The following CADPS variants were observed in gnomAD, a reference collection of about 807,000 sequenced individuals.
CADPS encodes calcium dependent secretion activator, also known as calcium-dependent secretion activator 1.
A neutral mutation model predicts 167.3 loss-of-function variants in CADPS; 57 were observed. That is an observed-to-expected ratio of 0.34 (90% CI 0.28 to 0.42). CADPS has a LOEUF of 0.42. Among genes scored for constraint, CADPS ranks in the 20% least tolerant of loss-of-function variants. The probability of loss-of-function intolerance (pLI) is 1.00; values close to 1 mark genes in which losing one functional copy is unlikely to be tolerated. For missense variants in CADPS, 1,414 were observed against 1,738.1 expected (o/e 0.81, Z 3.32); for synonymous variants, 676 against 635.3 (o/e 1.06, Z -0.96).
intron 3 of CADPS, among the ~76,000 whole-genome samples, chr3:62,678,603 A>G (rs2076670645): frequency 6.6e-6 from 1 of 152,118 alleles, no homozygotes; most frequent in Admixed American, 6.6e-5. Context: ...CTCTTCCCTG[A>G]TAAGTGAGGG....
At chr3:62,624,907 G>C (rs1381407535) in intron 6 of CADPS, among the ~76,000 whole-genome samples, 1 of 152,040 alleles carries the variant, frequency 6.6e-6, no homozygotes, top group Non-Finnish European at 1.5e-5. Flanking sequence ...CTTGATCCAG[G>C]TATGAGCACC....
intron 28 of CADPS, among the ~76,000 whole-genome samples, chr3:62,408,124 C>T (rs956336487): frequency 6.6e-6 from 1 of 152,146 alleles, no homozygotes; most frequent in Non-Finnish European, 1.5e-5. Flanking sequence ...TGCAGATACA[C>T]TTGGGTCACC....
chr3:62,403,044 G>A (rs1001645757), intron 29 of CADPS, 37 bp downstream of exon 29: 6 of 1,295,856 alleles, frequency 4.6e-6, no homozygotes, highest in Non-Finnish European at 6.7e-6. Context: ...ATTTCAGTAA[G>A]CTATTTGCAA....
intron 4 of CADPS, among the ~76,000 whole-genome samples, chr3:62,661,426 T>A (rs1286822008): frequency 1.3e-5 from 2 of 152,158 alleles, no homozygotes; most frequent in Non-Finnish European, 2.9e-5. Context: ...CCAGTGGGTA[T>A]AAAGACACCA....
intron 18 of CADPS, among the ~76,000 whole-genome samples, chr3:62,498,491 T>G (rs921019273): frequency 6.6e-6 from 1 of 152,092 alleles, no homozygotes; most frequent in Non-Finnish European, 1.5e-5. Context: ...ATTTTGGAAT[T>G]TTTTTGGAAG....
At chr3:62,819,905 T>G (rs1414888649) in intron 1 of CADPS, among the ~76,000 whole-genome samples, 1 of 152,176 alleles carries the variant, frequency 6.6e-6, no homozygotes. Context: ...TTTGCTGATT[T>G]TAATCTGTAT....
At chr3:62,691,966 GATA>G (rs1446079033) in intron 3 of CADPS, among the ~76,000 whole-genome samples, 3 of 151,226 alleles carry the variant, frequency 2.0e-5, no homozygotes, top group Admixed American at 1.3e-4. Context: ...AGGATTTTTT[GATA>G]ATAATATGGT....
intron 1 of CADPS, among the ~76,000 whole-genome samples, chr3:62,821,143 T>C (rs893187150): frequency 6.6e-6 from 1 of 152,082 alleles, no homozygotes; most frequent in African/African-American, 2.4e-5. Context: ...CACCCTCAGA[T>C]TAGGTAGATT....
chr3:62,484,069 T>C (rs1405302821), intron 21 of CADPS, among the ~76,000 whole-genome samples: 2 of 152,186 alleles, frequency 1.3e-5, no homozygotes, highest in Non-Finnish European at 1.5e-5. Context: ...AAAATACTTC[T>C]ATTAATCAAA....
chr3:62,530,443 T>C (rs1394464992), intron 13 of CADPS, among the ~76,000 whole-genome samples: 1 of 152,190 alleles, frequency 6.6e-6, no homozygotes, highest in Non-Finnish European at 1.5e-5. Context: ...GTTTTAAAAG[T>C]CACTGAACAC....
chr3:62,846,582 A>T lies in CADPS; in HGVS notation c.441+28007T>A, dbSNP rs547634582. Among the ~76,000 whole-genome samples, 2 of 152,140 alleles carry T rather than the reference A, an allele frequency of 1.3e-5. 1 individual carries two copies. The highest frequency in any genetic ancestry group is 4.1e-4 in the South Asian group (2 of 4,832). ...CTTGATTCTTTCCCGTGATTAATCA[A>T]TTTGCAAAATATGTTGGTTTTCTGT... On this transcript the variant is annotated intron_variant, in intron 1 of 29. Transcript: ENST00000383710.
chr3:62,725,404 T>C (rs981869295), intron 3 of CADPS, among the ~76,000 whole-genome samples: 3 of 152,186 alleles, frequency 2.0e-5, no homozygotes, highest in Admixed American at 2.0e-4. Flanking sequence ...ATCCTAACAA[T>C]AGTCTTCAGC....
intron 1 of CADPS, among the ~76,000 whole-genome samples, chr3:62,823,573 G>A (rs1383676934): frequency 1.3e-5 from 2 of 152,158 alleles, no homozygotes; most frequent in African/African-American, 4.8e-5. Context: ...CAAAGAGGGG[G>A]AAAGATCAAT....
At chr3:62,410,124 T>C (rs1366488826) in intron 28 of CADPS, among the ~76,000 whole-genome samples, 1 of 152,100 alleles carries the variant, frequency 6.6e-6, no homozygotes, top group Non-Finnish European at 1.5e-5. Context: ...TCACCCAATA[T>C]CATAAAAATG....
At chr3:62,846,077 C>G (rs905746570) in intron 1 of CADPS, among the ~76,000 whole-genome samples, 11 of 151,980 alleles carry the variant, frequency 7.2e-5, no homozygotes, top group African/African-American at 2.4e-4. Flanking sequence ...CTCTCTCTCT[C>G]TCTCTCCTGC....
chr3:62,707,728 T>C (rs902417648), intron 3 of CADPS, among the ~76,000 whole-genome samples: 24 of 152,168 alleles, frequency 1.6e-4, no homozygotes, highest in Non-Finnish European at 2.9e-4. Flanking sequence ...AATATAAAAT[T>C]TCTTAATTTT....
intron 6 of CADPS, among the ~76,000 whole-genome samples, chr3:62,612,589 C>A (rs1252045422): frequency 6.6e-6 from 1 of 152,190 alleles, no homozygotes; most frequent in Non-Finnish European, 1.5e-5. Flanking sequence ...GTAAGGGACT[C>A]ATTGCTGAAG....
At chr3:62,841,248 A>G (rs970962414) in intron 1 of CADPS, among the ~76,000 whole-genome samples, 1 of 152,210 alleles carries the variant, frequency 6.6e-6, no homozygotes, top group East Asian at 1.9e-4. Context: ...TCTTTAGTCT[A>G]AAACAAACAA....
rs900095814 is a variant in CADPS at position 62,708,475 on chromosome 3, G to A, written c.888+44966C>T. ...TATCCTCATTTCACAGATGAGAAAA[G>A]TGAAACACCAAGAGGTTGGGTAACT... is the stretch of plus-strand genomic sequence containing the variant. On this transcript the variant is annotated intron_variant, in intron 3 of 29. Coordinates refer to ENST00000383710, the MANE Select transcript of CADPS (RefSeq NM_003716.4). Among the ~76,000 whole-genome samples, 47 of 152,110 alleles carry A rather than the reference G, an allele frequency of 3.1e-4. 2 individuals are homozygous for A. The highest frequency in any genetic ancestry group is 1.0e-3 in the African/African-American group (43 of 41,460).
Sources: allele counts gnomAD v4.1 joint callset (sites outside exome capture counted in the v4.1 genomes callset), GRCh38; gene constraint gnomAD v4.1.1; transcripts MANE v1.5; gene names NCBI Gene and HGNC (gene_info 2026-07-23, HGNC 2026-07-21).